Variants in SLIT3 observed in about 807,000 individuals in gnomAD.
SLIT3 encodes the protein slit guidance ligand 3, also known as slit homolog 3 protein.
In SLIT3, 68 loss-of-function variants were observed where a neutral mutation model predicts 184.0. That is an observed-to-expected ratio of 0.37 (90% CI 0.30 to 0.45). The LOEUF is 0.45. SLIT3 is among the 20% of genes least tolerant of loss of function. The pLI is 1.00. For missense variants in SLIT3, 1,707 were observed against 2,026.0 expected, an observed-to-expected ratio of 0.84 and a Z score of 3.02; for synonymous variants, 831 against 828.6, an observed-to-expected ratio of 1.00 and a Z score of -0.05.
chr5:168,860,292 A>G (rs1255960624), intron 5 of SLIT3, among the ~76,000 whole-genome samples: 1 of 152,198 alleles, frequency 6.6e-6, no homozygotes, highest in Non-Finnish European at 1.5e-5. Flanking sequence ...GACAAGTGAC[A>G]CCTGATATAC....
At chr5:169,142,684 T>C (rs1185880569) in intron 4 of SLIT3, among the ~76,000 whole-genome samples, 1 of 152,158 alleles carries the variant, frequency 6.6e-6, no homozygotes, top group African/African-American at 2.4e-5. Context: ...AACTGGGGGA[T>C]TTCACTAATG....
At chr5:169,193,243 A>G (rs1763617898) in intron 4 of SLIT3, among the ~76,000 whole-genome samples, 1 of 152,176 alleles carries the variant, frequency 6.6e-6, no homozygotes, top group Non-Finnish European at 1.5e-5. Context: ...ATGGACTACC[A>G]CACATCACTA....
intron 4 of SLIT3, among the ~76,000 whole-genome samples, chr5:169,148,638 G>A (rs766035949): frequency 1.3e-5 from 2 of 152,118 alleles, no homozygotes; most frequent in Non-Finnish European, 2.9e-5. Flanking sequence ...TGTGGCTGTC[G>A]TCATCTCGCA....
intron 4 of SLIT3, among the ~76,000 whole-genome samples, chr5:169,125,544 C>T (rs1241197562): frequency 6.6e-6 from 1 of 152,120 alleles, no homozygotes; most frequent in African/African-American, 2.4e-5. Flanking sequence ...GAAGGTTTAC[C>T]CTGACTCCCA....
rs57769279 is a variant in SLIT3 at position 168,767,416 on chromosome 5, T to C, written c.1460-4727A>G. ...ACAAGCAAAATAAGAGGTACCAAGA[T>C]CCCTCTCTTTATTATCAGAGATAGC... On this transcript the variant is annotated intron_variant, in intron 14 of 35. Coordinates refer to ENST00000519560, the MANE Select transcript of SLIT3 (RefSeq NM_003062.4). 8.5e-3 allele frequency among the ~76,000 whole-genome samples: 1,287 copies of C among 152,198 alleles called. 21 individuals carry two copies. Among genetic ancestry groups the C allele is most frequent in the African/African-American group, 0.029 (1,214 of 41,494 alleles).
At chr5:168,759,490 C>T (rs1488897050) in intron 16 of SLIT3, among the ~76,000 whole-genome samples, 1 of 152,172 alleles carries the variant, frequency 6.6e-6, no homozygotes, top group Non-Finnish European at 1.5e-5. Flanking sequence ...GCTAGACAGC[C>T]CTTCGGCAGT....
At chr5:168,872,590 CTTTTT>C (rs34444404) in intron 5 of SLIT3, among the ~76,000 whole-genome samples, 1 of 140,252 alleles carries the variant, frequency 7.1e-6, no homozygotes, top group East Asian at 2.1e-4. Context: ...AAATTAAAGT[CTTTTT>C]TTTTTTTAAA....
intron 3 of SLIT3, among the ~76,000 whole-genome samples, chr5:169,216,234 T>C (rs1171413040): frequency 6.6e-6 from 1 of 152,144 alleles, no homozygotes; most frequent in Non-Finnish European, 1.5e-5. Flanking sequence ...CTAGTGCAGA[T>C]CACCTGCTCA....
At chr5:169,100,791 C>A (rs530958217) in intron 4 of SLIT3, among the ~76,000 whole-genome samples, 1 of 152,296 alleles carries the variant, frequency 6.6e-6, no homozygotes, top group East Asian at 1.9e-4. Context: ...ACCAAAGGAA[C>A]CAGGGATACC....
At chr5:169,163,534 G>A (rs1762542855) in intron 4 of SLIT3, among the ~76,000 whole-genome samples, 1 of 152,138 alleles carries the variant, frequency 6.6e-6, no homozygotes, top group Admixed American at 6.5e-5. Flanking sequence ...GGACATCATA[G>A]CGGCTCCCTT....
chr5:168,773,138 A>G (rs1234615232), intron 13 of SLIT3, among the ~76,000 whole-genome samples, 194 bp from the exon 14 acceptor site: 1 of 152,112 alleles, frequency 6.6e-6, no homozygotes, highest in South Asian at 2.1e-4. Flanking sequence ...TGTCTGCAAA[A>G]GACAGTCACA....
intron 4 of SLIT3, among the ~76,000 whole-genome samples, chr5:168,907,967 TATATATATATATAG>T (rs1761126097): frequency 6.2e-5 from 5 of 80,260 alleles, no homozygotes; most frequent in African/African-American, 9.6e-5. Flanking sequence ...TATATATATA[TATATATATATATAG>T]AGAGAGAGAG....
chr5:169,148,117 T>C (rs186175583), intron 4 of SLIT3, among the ~76,000 whole-genome samples: 1 of 152,212 alleles, frequency 6.6e-6, no homozygotes, highest in African/African-American at 2.4e-5. Flanking sequence ...CCTCCTTCCA[T>C]GCAGCTCCAA....
chr5:169,246,959 A>C (rs1684730533), intron 2 of SLIT3, among the ~76,000 whole-genome samples: 2 of 135,582 alleles, frequency 1.5e-5, no homozygotes, highest in African/African-American at 2.8e-5. Context: ...GGCTGGGCAC[A>C]GTGGCTCACG....
intron 20 of SLIT3, among the ~76,000 whole-genome samples, chr5:168,734,707 C>T (rs1763381051): frequency 6.6e-6 from 1 of 152,184 alleles, no homozygotes; most frequent in African/African-American, 2.4e-5. Context: ...TTCATCACAG[C>T]ATTTGACCCC....
chr5:169,270,457 A>C (rs1766562635), intron 1 of SLIT3, among the ~76,000 whole-genome samples: 1 of 152,226 alleles, frequency 6.6e-6, no homozygotes, highest in African/African-American at 2.4e-5. Context: ...CATGACACAT[A>C]AAAATTATAT....
chr5:169,080,435 A>G (rs12187954), intron 4 of SLIT3, among the ~76,000 whole-genome samples: 6,860 of 152,258 alleles, frequency 0.045, 195 homozygotes, highest in Middle Eastern at 0.11. Context: ...GATCTCCTCC[A>G]CGGCCAAGGC....
chr5:169,065,046 C>T (rs1270678012), intron 4 of SLIT3, among the ~76,000 whole-genome samples: 1 of 152,122 alleles, frequency 6.6e-6, no homozygotes, highest in Non-Finnish European at 1.5e-5. Flanking sequence ...TTAGTATGGT[C>T]CTTGAAGAAC....
chr5:168,932,992 C>CA (rs1052048932), intron 4 of SLIT3, among the ~76,000 whole-genome samples: 29 of 152,270 alleles, frequency 1.9e-4, no homozygotes, highest in African/African-American at 6.7e-4. Flanking sequence ...ATAATACTGG[C>CA]AAGCATACCA....
Sources: gnomAD v4.1 joint callset for allele counts (sites outside exome capture counted in the v4.1 genomes callset) on GRCh38, gnomAD v4.1.1 for gene constraint, MANE v1.5 for transcripts, NCBI Gene and HGNC (gene_info 2026-07-23, HGNC 2026-07-21) for gene names.